Variants in TASP1 observed in about 807,000 individuals in gnomAD.
The protein encoded by TASP1 is taspase 1.
A neutral mutation model predicts 56.6 loss-of-function variants in TASP1; 16 were observed. The ratio of observed to expected loss-of-function variants is 0.28; its 90% CI spans 0.19 to 0.43. The LOEUF is 0.43. Among genes scored for constraint, TASP1 ranks in the 20% least tolerant of loss-of-function variants. The pLI is 1.00. For missense variants in TASP1, 393 were observed against 511.6 expected (o/e 0.77, Z 2.24); for synonymous variants, 179 against 184.2 (o/e 0.97, Z 0.23).
rs189198853 is a variant in TASP1 at position 13,390,470 on chromosome 20, C to T, written c.1171-18G>A. 2.2e-5 allele frequency: 36 copies of T among 1,604,868 alleles called. No homozygotes were observed. The highest frequency in any genetic ancestry group is 2.0e-4 in the East Asian group (9 of 44,708). On this transcript the variant is annotated intron_variant, in intron 13 of 13. Coordinates refer to ENST00000337743, the MANE Select transcript of TASP1 (RefSeq NM_017714.3). ...ATGTGAGTCTGCAGAGAGAGAGAGA[C>T]AGCAGAGCATCAGAGGGGTCAGCGG...
At chr20:13,357,647 G>T in the TASP1 span, among the ~76,000 whole-genome samples, 31 of 152,070 alleles carry the variant, frequency 2.0e-4, no homozygotes, top group East Asian at 6.0e-3. Flanking sequence ...TCATTCCTAG[G>T]TATTTACCCA....
At chr20:13,631,620 A>G (rs1311032738) in intron 1 of TASP1, among the ~76,000 whole-genome samples, 1 of 152,254 alleles carries the variant, frequency 6.6e-6, no homozygotes, top group East Asian at 1.9e-4. Context: ...AAGCATAAAC[A>G]TAGATTGAAA....
In TASP1 at chr20:13,576,395, A is replaced by ATC. The variant is rs1568603446; in HGVS notation, c.488+4501_488+4502insGA. Among the ~76,000 whole-genome samples the ATC allele has an allele frequency of 4.0e-3, 575 of 142,418 alleles. 3 individuals are homozygous for ATC. Among genetic ancestry groups the ATC allele is most frequent in the African/African-American group, 0.015 (551 of 37,054 alleles). 93.4% of individuals were successfully genotyped at this position (142,418 alleles called of 152,430 possible). A position where few individuals can be genotyped will look rare whatever the true frequency, so the allele number is the denominator to read the frequency against. On this transcript the variant is annotated intron_variant, in intron 6 of 13. Coordinates refer to ENST00000337743, the MANE Select transcript of TASP1 (RefSeq NM_017714.3). ...AAAGAAAGAAAGAAAGAAAGAAAGA[A>ATC]AGTCAGTCTTATGGAATCTATAAAA... is the stretch of plus-strand genomic sequence containing the variant.
At chr20:13,310,874 A>G in the TASP1 span, among the ~76,000 whole-genome samples, 1 of 152,222 alleles carries the variant, frequency 6.6e-6, no homozygotes, top group African/African-American at 2.4e-5. Context: ...ATATTACTTC[A>G]TACCTGTAAG....
At chr20:13,345,121 C>CA in the TASP1 span, among the ~76,000 whole-genome samples, 1 of 151,422 alleles carries the variant, frequency 6.6e-6, no homozygotes, top group Non-Finnish European at 1.5e-5. Context: ...TATTTTCGTT[C>CA]AAAAAAAATT....
chr20:13,162,631 C>A, the TASP1 span, among the ~76,000 whole-genome samples: 13 of 152,306 alleles, frequency 8.5e-5, 1 homozygote, highest in South Asian at 2.7e-3. Context: ...GACAAGGCCA[C>A]AATACTTAAT....
At chr20:13,188,754 GCTAA>G in the TASP1 span, among the ~76,000 whole-genome samples, 1 of 152,114 alleles carries the variant, frequency 6.6e-6, no homozygotes, top group African/African-American at 2.4e-5. Context: ...AAAGAACAAA[GCTAA>G]CTATGTTAAA....
the TASP1 span, chr20:13,299,424 T>C: frequency 6.2e-7 from 1 of 1,608,286 alleles, no homozygotes; most frequent in Non-Finnish European, 8.5e-7. This position sits in a 1 kb window ranked among gnomAD's most constrained non-coding sequence, Gnocchi z 5.8. Flanking sequence ...GGACGAGGAC[T>C]ACATCAAGCA....
the TASP1 span, among the ~76,000 whole-genome samples, chr20:13,162,168 T>A: frequency 6.6e-6 from 1 of 152,174 alleles, no homozygotes; most frequent in African/African-American, 2.4e-5. Context: ...CTTGAAAATG[T>A]AGAAGGCTTG....
At chr20:13,113,072 A>C in the TASP1 span, among the ~76,000 whole-genome samples, 7 of 152,148 alleles carry the variant, frequency 4.6e-5, no homozygotes, top group African/African-American at 7.2e-5. Flanking sequence ...AATCCCAGTT[A>C]CTGAGGAGGC....
intron 7 of TASP1, among the ~76,000 whole-genome samples, chr20:13,560,846 C>G (rs1478004644): frequency 1.3e-5 from 2 of 152,074 alleles, no homozygotes; most frequent in Admixed American, 6.5e-5. Flanking sequence ...GATATGAACA[C>G]CCAAGATATA....
At chr20:13,582,030 C>T (rs1030504058) in intron 5 of TASP1, among the ~76,000 whole-genome samples, 4 of 143,688 alleles carry the variant, frequency 2.8e-5, no homozygotes, top group Non-Finnish European at 4.5e-5. Context: ...AAAGAGACTA[C>T]AAAAATTTAA....
intron 10 of TASP1, among the ~76,000 whole-genome samples, chr20:13,516,625 G>A (rs1350013233): frequency 1.3e-5 from 2 of 150,568 alleles, no homozygotes; most frequent in Non-Finnish European, 1.5e-5. Flanking sequence ...GGCAGAACTG[G>A]CATTTTAACT....
the TASP1 span, among the ~76,000 whole-genome samples, chr20:13,181,998 G>A: frequency 6.6e-6 from 1 of 152,158 alleles, no homozygotes; most frequent in Non-Finnish European, 1.5e-5. Flanking sequence ...TGGGAATTGT[G>A]GCAAAGAGAT....
the TASP1 span, among the ~76,000 whole-genome samples, chr20:13,196,452 A>G: frequency 6.6e-6 from 1 of 152,130 alleles, no homozygotes; most frequent in African/African-American, 2.4e-5. Context: ...TGGTCCCTCT[A>G]TCTGGAGTGC....
the TASP1 span, chr20:13,164,896 A>G: frequency 6.3e-7 from 1 of 1,575,934 alleles, no homozygotes; most frequent in Non-Finnish European, 8.7e-7. Context: ...ACACATAAAG[A>G]CTTTGCGAGA....
intron 4 of TASP1, among the ~76,000 whole-genome samples, chr20:13,589,548 A>G (rs2047444425): frequency 6.6e-6 from 1 of 152,250 alleles, no homozygotes; most frequent in Non-Finnish European, 1.5e-5. Flanking sequence ...AACCTTGGAT[A>G]ACAAAATAGT....
At chr20:13,159,673 A>G in the TASP1 span, among the ~76,000 whole-genome samples, 5 of 152,228 alleles carry the variant, frequency 3.3e-5, no homozygotes, top group Admixed American at 2.6e-4. Flanking sequence ...TGGATTTTAT[A>G]TCACTGCAGA....
chr20:13,293,471 G>C, the TASP1 span, among the ~76,000 whole-genome samples: 1 of 151,282 alleles, frequency 6.6e-6, no homozygotes, highest in Non-Finnish European at 1.5e-5. Context: ...CCTCTGCCCT[G>C]CCTCCTCAGT....
Sources: gnomAD v4.1 joint callset for allele counts (sites outside exome capture counted in the v4.1 genomes callset) on GRCh38, gnomAD v4.1.1 for gene constraint, Gnocchi (gnomAD v3.1) non-coding constraint, MANE v1.5 for transcripts, NCBI Gene and HGNC (gene_info 2026-07-23, HGNC 2026-07-21) for gene names.